BCAS3: variants seen among roughly 807,000 people sequenced by gnomAD.
The protein encoded by BCAS3 is BCAS4/BCAS3 fusion.
A neutral mutation model predicts 116.1 loss-of-function variants in BCAS3; 53 were observed. The ratio of observed to expected loss-of-function variants is 0.46; its 90% CI spans 0.37 to 0.57. The LOEUF is 0.57. Among genes scored for constraint, BCAS3 ranks in the 20% least tolerant of loss-of-function variants. BCAS3 has a pLI of 0.00. For missense variants in BCAS3, 917 were observed against 1,165.4 expected (o/e 0.79, Z 3.10); for synonymous variants, 391 against 408.2 (o/e 0.96, Z 0.51).
At chr17:60,723,341 C>T (rs2144107688) in intron 5 of BCAS3, among the ~76,000 whole-genome samples, 1 of 152,230 alleles carries the variant, frequency 6.6e-6, no homozygotes, top group African/African-American at 2.4e-5. Context: ...TCTTCTGCCT[C>T]AGCCTCCTGA....
intron 22 of BCAS3, among the ~76,000 whole-genome samples, chr17:61,266,136 C>G (rs773633963): frequency 6.6e-6 from 1 of 152,140 alleles, no homozygotes; most frequent in Non-Finnish European, 1.5e-5. Context: ...TGATCATTAA[C>G]GAGCAACTGA....
chr17:60,778,383 G>A (rs2045503238), intron 6 of BCAS3, among the ~76,000 whole-genome samples: 1 of 151,768 alleles, frequency 6.6e-6, no homozygotes, highest in Non-Finnish European at 1.5e-5. Context: ...TCTATTATAT[G>A]GAATTCATTC....
chr17:60,989,782 A>T (rs1022749090), intron 14 of BCAS3, among the ~76,000 whole-genome samples, 189 bp from the exon 15 acceptor site: 2 of 152,144 alleles, frequency 1.3e-5, no homozygotes, highest in African/African-American at 2.4e-5. Context: ...GTAACATTCT[A>T]CCTAATGGAG....
At position 61,332,675 on chromosome 17, in the gene BCAS3, G is replaced by A. The variant is rs1209995312; in HGVS notation, c.2426-35652G>A. Among the ~76,000 whole-genome samples, 1 of 152,124 alleles carries A rather than the reference G, an allele frequency of 6.6e-6. No individual in the cohort carries two copies. Among genetic ancestry groups the A allele is most frequent in the African/African-American group, 2.4e-5 (1 of 41,412 alleles). ...CTGTCACCCAGGCTGGAGTGCAATGGCATGATCTCGGCTCATAGCAGCCTC... is the reference window on the plus strand; with the variant it reads ...CTGTCACCCAGGCTGGAGTGCAATGACATGATCTCGGCTCATAGCAGCCTC... On this transcript the variant is annotated intron_variant, in intron 22 of 23. Coordinates refer to ENST00000407086, the MANE Select transcript of BCAS3 (RefSeq NM_017679.5). This position sits in a 1 kb window ranked among gnomAD's most constrained non-coding sequence, Gnocchi z 5.4.
At position 60,994,260 on chromosome 17, in the gene BCAS3, T is replaced by C. The variant is rs1311695375; in HGVS notation, c.1486+4025T>C. The stretch of plus-strand genomic sequence containing the variant: ...TCACTACTTTGAAATTATGATTATA[T>C]AATATTTTAGTATTAATTGATTATA... On this transcript the variant is annotated intron_variant, in intron 15 of 23. Coordinates refer to ENST00000407086, the MANE Select transcript of BCAS3 (RefSeq NM_017679.5). This position sits in a 1 kb window ranked among gnomAD's most constrained non-coding sequence, Gnocchi z 4.4. 9.2e-5 allele frequency among the ~76,000 whole-genome samples: 14 copies of C among 152,080 alleles called. No homozygotes were observed. Among genetic ancestry groups the C allele is most frequent in the Non-Finnish European group, 1.2e-4 (8 of 67,966 alleles).
intron 7 of BCAS3, among the ~76,000 whole-genome samples, chr17:60,809,424 A>G (rs974615421): frequency 4.6e-5 from 7 of 152,264 alleles, no homozygotes; most frequent in Admixed American, 2.6e-4. Flanking sequence ...TCTTTGCACA[A>G]TAACAGTGGG....
chr17:61,368,589 T>C lies in BCAS3; in HGVS notation c.2593+95T>C. The C allele has an allele frequency of 2.9e-6, 4 of 1,396,290 alleles. No individual in the cohort carries two copies. Among genetic ancestry groups the C allele is most frequent in the Non-Finnish European group, 3.8e-6 (4 of 1,044,022 alleles). The allele number at this position is 1,396,290 out of a possible 1,614,324, so 86.5% of individuals were successfully genotyped here. A position where few individuals can be genotyped will look rare whatever the true frequency, so the allele number is the denominator to read the frequency against. ...GAATCGTTTGTGGGCATATGTTTGT[T>C]TTTGCTGTTGGTTTCTTTAGTTAGC... On this transcript the variant is annotated intron_variant, in intron 23 of 23. Coordinates refer to ENST00000407086, the MANE Select transcript of BCAS3 (RefSeq NM_017679.5). This position sits in a 1 kb window ranked among gnomAD's most constrained non-coding sequence, Gnocchi z 6.0.
At chr17:60,738,458 T>C (rs2041200566) in intron 5 of BCAS3, among the ~76,000 whole-genome samples, 1 of 152,308 alleles carries the variant, frequency 6.6e-6, no homozygotes, top group South Asian at 2.1e-4. Flanking sequence ...AATATCCCCC[T>C]TTTTCCCTGA....
At chr17:60,728,922 A>G (rs2040185874) in intron 5 of BCAS3, among the ~76,000 whole-genome samples, 1 of 152,236 alleles carries the variant, frequency 6.6e-6, no homozygotes, top group Admixed American at 6.5e-5. Context: ...GTGTATACAC[A>G]AGTACGTGAA....
intron 10 of BCAS3, chr17:60,891,582 A>G: frequency 2.4e-6 from 1 of 422,552 alleles, no homozygotes; most frequent in South Asian, 1.7e-5. Context: ...GTAAAATTGA[A>G]TTAAATTTTG....
At chr17:60,778,302 T>C (rs1302628677) in intron 6 of BCAS3, among the ~76,000 whole-genome samples, 1 of 152,158 alleles carries the variant, frequency 6.6e-6, no homozygotes, top group East Asian at 1.9e-4. Flanking sequence ...TCTGCCCTTC[T>C]CAAACTCATT....
chr17:61,107,831 G>A (rs1021164531), intron 22 of BCAS3, among the ~76,000 whole-genome samples: 10 of 152,170 alleles, frequency 6.6e-5, no homozygotes, highest in Admixed American at 4.6e-4. Flanking sequence ...TCATGTAAAG[G>A]TTTTCATGTA....
At chr17:61,070,063 G>C in intron 19 of BCAS3, 25 of 1,587,276 alleles carry the variant, frequency 1.6e-5, no homozygotes, top group Non-Finnish European at 2.1e-5. Flanking sequence ...TCGGAAGAGC[G>C]CTCCCAGGAG....
chr17:61,346,702 T>C lies in BCAS3; in HGVS notation c.2426-21625T>C, dbSNP rs1482555700. ...ATTTCCTATACTGCCTCTGTTAGGC[T>C]CTGCAAATCTAAAAATAAGATAAAG... On this transcript the variant is annotated intron_variant, in intron 22 of 23. Transcript: ENST00000407086. This position sits in a 1 kb window ranked among gnomAD's most constrained non-coding sequence, Gnocchi z 5.4. Among the ~76,000 whole-genome samples, 2 of 152,250 alleles carry C rather than the reference T, an allele frequency of 1.3e-5. No homozygotes were observed. The highest frequency in any genetic ancestry group is 2.9e-5 in the Non-Finnish European group (2 of 68,044).
intron 22 of BCAS3, among the ~76,000 whole-genome samples, chr17:61,234,559 C>T (rs911150499): frequency 6.6e-6 from 1 of 152,156 alleles, no homozygotes; most frequent in Non-Finnish European, 1.5e-5. Context: ...GTTTCCTTCT[C>T]CTTTGGTGGG....
At chr17:60,720,974 C>T (rs73334323) in intron 5 of BCAS3, among the ~76,000 whole-genome samples, 4 of 152,082 alleles carry the variant, frequency 2.6e-5, no homozygotes, top group Non-Finnish European at 5.9e-5. Context: ...AAGAAAAGTG[C>T]GGCTGCTCCT....
intron 7 of BCAS3, among the ~76,000 whole-genome samples, chr17:60,816,399 C>G (rs953649071): frequency 6.6e-6 from 1 of 151,680 alleles, no homozygotes; most frequent in Admixed American, 6.6e-5. Context: ...CTCAGCCTCC[C>G]TAGTAGCTGG....
Position 61,281,698 on chromosome 17 carries a change from C to G in BCAS3, c.2426-86629C>G, listed in dbSNP as rs2051258755. 6.6e-6 allele frequency among the ~76,000 whole-genome samples: 1 copy of G among 151,978 alleles called. No homozygotes were observed. The highest frequency in any genetic ancestry group is 2.1e-4 in the South Asian group (1 of 4,830). The stretch of plus-strand genomic sequence containing the variant: ...ATTCATATTGATTTGGAGGAGCTTT[C>G]TATATACTAAGCAAATTAGCACTCT... On this transcript the variant is annotated intron_variant, in intron 22 of 23. Transcript: ENST00000407086. This position sits in a 1 kb window ranked among gnomAD's most constrained non-coding sequence, Gnocchi z 4.2.
intron 7 of BCAS3, among the ~76,000 whole-genome samples, chr17:60,867,354 T>G (rs1322548686): frequency 6.6e-6 from 1 of 152,016 alleles, no homozygotes; most frequent in East Asian, 1.9e-4. Context: ...GATCTGCCTG[T>G]CTTGGCCTCC....
Sources: gnomAD v4.1 joint callset for allele counts (sites outside exome capture counted in the v4.1 genomes callset) on GRCh38, gnomAD v4.1.1 for gene constraint, Gnocchi (gnomAD v3.1) non-coding constraint, MANE v1.5 for transcripts, NCBI Gene and HGNC (gene_info 2026-07-23, HGNC 2026-07-21) for gene names.